PCSK5: variants seen among roughly 807,000 people sequenced by gnomAD.
PCSK5 encodes proprotein convertase subtilisin/kexin type 5, also known as prohormone convertase 5.
PCSK5 carries 129 observed loss-of-function variants against 233.2 expected under a neutral mutation model. The ratio of observed to expected loss-of-function variants is 0.55; its 90% CI spans 0.48 to 0.64. The LOEUF (loss-of-function observed/expected upper bound fraction) is 0.64, where lower values mean the gene tolerates loss of function less well. PCSK5 is among the 30% of genes least tolerant of loss of function. The probability of loss-of-function intolerance (pLI) is 0.00; values close to 1 mark genes in which losing one functional copy is unlikely to be tolerated. For synonymous variants in PCSK5, 825 were observed against 879.2 expected (o/e 0.94, Z 1.09); for missense variants, 2,076 against 2,430.1 (o/e 0.85, Z 3.06).
intron 1 of PCSK5, among the ~76,000 whole-genome samples, chr9:75,897,824 T>C (rs1825875746): frequency 6.6e-6 from 1 of 152,202 alleles, no homozygotes; most frequent in African/African-American, 2.4e-5. Flanking sequence ...CTTAGTCTTT[T>C]AGTTTGACTC....
chr9:76,173,142 G>C (rs1053607344), intron 13 of PCSK5, among the ~76,000 whole-genome samples: 2 of 152,168 alleles, frequency 1.3e-5, no homozygotes, highest in Non-Finnish European at 2.9e-5. Flanking sequence ...GGGACTGTTA[G>C]TACCCACCTT....
At chr9:76,334,294 C>T (rs1051722441) in intron 34 of PCSK5, among the ~76,000 whole-genome samples, 3 of 152,154 alleles carry the variant, frequency 2.0e-5, no homozygotes, top group Non-Finnish European at 4.4e-5. Context: ...AGAACCAAAC[C>T]ATATCACTGA....
chr9:76,142,419 C>A (rs1263434955), intron 10 of PCSK5, among the ~76,000 whole-genome samples: 1 of 152,010 alleles, frequency 6.6e-6, no homozygotes, highest in African/African-American at 2.4e-5. Context: ...TTCTAAGTGG[C>A]TAACTAGGTA....
At chr9:76,258,851 T>A (rs1246854331) in intron 24 of PCSK5, among the ~76,000 whole-genome samples, 1 of 152,176 alleles carries the variant, frequency 6.6e-6, no homozygotes, top group Admixed American at 6.5e-5. Flanking sequence ...AATGTTGAAA[T>A]GGAAATCCGA....
intron 24 of PCSK5, among the ~76,000 whole-genome samples, chr9:76,259,185 T>C (rs889226688): frequency 1.3e-5 from 2 of 152,216 alleles, no homozygotes; most frequent in Non-Finnish European, 2.9e-5. Context: ...AAGAGCCTTA[T>C]TAACTTTAGT....
At position 76,223,037 on chromosome 9, in the gene PCSK5, G is replaced by A. The variant is rs77522584; in HGVS notation, c.2627-4466G>A. On this transcript the variant is annotated intron_variant, in intron 20 of 37. Transcript: ENST00000674117. ...ACGAGGCACATAAATAGGCCTCACA[G>A]GGAAGTCTACAGATAATTTCATACC... Among the ~76,000 whole-genome samples the A allele has an allele frequency of 2.7e-4, 41 of 152,192 alleles. No individual in the cohort carries two copies. The East Asian group carries it at 7.7e-3, about 29-fold the overall frequency.
intron 9 of PCSK5, among the ~76,000 whole-genome samples, chr9:76,133,421 G>T (rs1227530288): frequency 6.6e-6 from 1 of 152,044 alleles, no homozygotes; most frequent in African/African-American, 2.4e-5. Context: ...CTCCTGCTCA[G>T]TAGTCTCTTT....
At chr9:75,948,483 T>G (rs563808938) in intron 2 of PCSK5, among the ~76,000 whole-genome samples, 194 of 152,218 alleles carry the variant, frequency 1.3e-3, no homozygotes, top group Non-Finnish European at 2.3e-3. Context: ...ACAAAGGACA[T>G]GAACTCATGT....
At chr9:75,941,001 T>C (rs1357058427) in intron 2 of PCSK5, among the ~76,000 whole-genome samples, 1 of 152,214 alleles carries the variant, frequency 6.6e-6, no homozygotes, top group African/African-American at 2.4e-5. Context: ...TCTTCATTAA[T>C]TGTGGCCATG....
At chr9:75,985,543 A>G (rs573903017) in intron 2 of PCSK5, among the ~76,000 whole-genome samples, 1 of 152,240 alleles carries the variant, frequency 6.6e-6, no homozygotes, top group East Asian at 1.9e-4. Context: ...TGATCCCAGA[A>G]TGTTTTTAAA....
chr9:76,031,659 A>G (rs1828656843), intron 5 of PCSK5, among the ~76,000 whole-genome samples: 1 of 152,218 alleles, frequency 6.6e-6, no homozygotes, highest in South Asian at 2.1e-4. Context: ...ACTGCACTCC[A>G]GCCTGGGCGA....
chr9:76,191,091 A>AC (rs35976192), intron 20 of PCSK5, among the ~76,000 whole-genome samples: 142,730 of 152,274 alleles, frequency 0.94, 66,928 homozygotes, highest in East Asian at 1. Context: ...CGCTGAAGCG[A>AC]CCTAAAATTT....
chr9:75,949,395 A>G (rs1824738631), intron 2 of PCSK5, among the ~76,000 whole-genome samples: 1 of 152,050 alleles, frequency 6.6e-6, no homozygotes, highest in African/African-American at 2.4e-5. Flanking sequence ...TCAGTAAGTC[A>G]GGGGATTTCC....
intron 5 of PCSK5, among the ~76,000 whole-genome samples, chr9:76,060,011 A>G (rs1829968810): frequency 1.3e-5 from 2 of 152,208 alleles, no homozygotes; most frequent in African/African-American, 4.8e-5. Flanking sequence ...TCAAGAGCCA[A>G]AAGACTTTCT....
intron 20 of PCSK5, among the ~76,000 whole-genome samples, chr9:76,197,876 T>C (rs1311890403): frequency 6.6e-6 from 1 of 152,224 alleles, no homozygotes; most frequent in Non-Finnish European, 1.5e-5. Context: ...TGCAGACTCA[T>C]GAAATCTGAA....
At chr9:76,249,780 A>T (rs377065657) in intron 24 of PCSK5, among the ~76,000 whole-genome samples, 1 of 152,180 alleles carries the variant, frequency 6.6e-6, no homozygotes, top group Non-Finnish European at 1.5e-5. Flanking sequence ...ATCCACAATG[A>T]TGGAAATATG....
At chr9:76,286,999 C>G (rs544958431) in intron 24 of PCSK5, 144 of 188,304 alleles carry the variant, frequency 7.6e-4, no homozygotes, top group African/African-American at 3.2e-3. Flanking sequence ...CCAGATCTCT[C>G]TAAATAGGTA....
At chr9:76,228,582 G>T (rs1233072511) in intron 21 of PCSK5, among the ~76,000 whole-genome samples, 1 of 152,242 alleles carries the variant, frequency 6.6e-6, no homozygotes, top group African/African-American at 2.4e-5. Context: ...GAGCATCTTT[G>T]CTAATACACT....
chr9:76,165,643 A>G (rs533838859), intron 12 of PCSK5, among the ~76,000 whole-genome samples: 1 of 152,340 alleles, frequency 6.6e-6, no homozygotes, highest in East Asian at 1.9e-4. Flanking sequence ...TCGCATGCAT[A>G]TATCATTTCA....
Sources: gnomAD v4.1 joint callset for allele counts (sites outside exome capture counted in the v4.1 genomes callset) on GRCh38, gnomAD v4.1.1 for gene constraint, MANE v1.5 for transcripts, NCBI Gene and HGNC (gene_info 2026-07-23, HGNC 2026-07-21) for gene names.